The following APLP1 variants were observed in gnomAD, a reference collection of about 807,000 sequenced individuals.
APLP1 encodes the protein amyloid beta precursor like protein 1.
APLP1 carries 46 observed loss-of-function variants against 84.5 expected under a neutral mutation model. The observed-to-expected ratio is 0.54, with a 90% CI of 0.43 to 0.70. The LOEUF (loss-of-function observed/expected upper bound fraction) is 0.70. Ranked by LOEUF, APLP1 falls within the 30% of genes least tolerant of loss-of-function variation. The pLI, the probability that APLP1 is intolerant of heterozygous loss-of-function variation, is 0.00. For missense variants in APLP1, 826 were observed against 900.2 expected (o/e 0.92, Z 1.05); for synonymous variants, 376 against 364.0 (o/e 1.03, Z -0.38).
At position 35,871,919 on chromosome 19, in the gene APLP1, G is replaced by A; in HGVS notation, c.733G>A (p.Glu245Lys). The change falls in exon 6 of 17, where the codon GAG becomes AAG. Residue 245 changes from glutamate (E) to lysine (K), a missense_variant. By Grantham distance (56) the Glu-to-Lys change is moderately conservative. Transcript: ENST00000221891. Reference protein sequence around the residue: ...SRVEGAEDEEEEESFPQPVDD... With the variant: ...SRVEGAEDEEKEESFPQPVDD... ...AGTAGAGGGGGCTGAGGACGAGGAA[G>A]AGGAGGAATCCTTCCCACAGCCAGT... 1 of 1,614,142 alleles carries A rather than the reference G, an allele frequency of 6.2e-7. No homozygotes were observed. Among genetic ancestry groups the A allele is most frequent in the Non-Finnish European group, 8.5e-7 (1 of 1,180,020 alleles).
rs759583997 is a variant in APLP1 at position 35,872,496 on chromosome 19, G to A, written c.864G>A (p.Pro288=). 3.2e-5 allele frequency: 51 copies of A among 1,612,890 alleles called. No individual in the cohort carries two copies. The highest frequency in any genetic ancestry group is 1.8e-4 in the Middle Eastern group (1 of 5,668). The change falls in exon 7 of 17, where the codon CCG becomes CCA. Residue 288 remains proline, a synonymous_variant. Coordinates refer to ENST00000221891, the MANE Select transcript of APLP1 (RefSeq NM_001024807.3). ...CTGGTCTTGCAGTCACTCCCACCCC[G>A]AGGCCCACAGACGGTGTGGATATTT... ...LAVVGKVTPT[P]RPTDGVDIYF...
Position 35,879,324 on chromosome 19 carries a change from C to T in APLP1, c.1858-19C>T, listed in dbSNP as rs1019118165. The T allele has an allele frequency of 6.2e-7, 1 of 1,613,584 alleles. No homozygotes were observed. Among genetic ancestry groups the T allele is most frequent in the South Asian group, 1.1e-5 (1 of 91,048 alleles). On this transcript the variant is annotated intron_variant, in intron 16 of 16. Transcript: ENST00000221891. The stretch of plus-strand genomic sequence containing the variant: ...CGCCCCCGCACCACACTGTCCTTTC[C>T]CTCCCCTGCTCGTTGCAGGTGGACC...
Position 35,876,514 on chromosome 19 carries a change from C to T in APLP1, c.1345-3C>T. 6.2e-7 allele frequency: 1 copy of T among 1,612,828 alleles called. No individual in the cohort carries two copies. Among genetic ancestry groups the T allele is most frequent in the East Asian group, 2.2e-5 (1 of 44,880 alleles). On this transcript the variant is annotated splice_region_variant and splice_polypyrimidine_tract_variant and intron_variant, in intron 10 of 16. Transcript: ENST00000221891. The stretch of plus-strand genomic sequence containing the variant: ...TTCATCCTTCATGTCCACTCACCCA[C>T]AGGTGCATACCCACCTTCAAGTGAT...
At chr19:35,873,591 G>A (rs750398421) in intron 7 of APLP1, 48 bp from the exon 8 acceptor site, 11 of 1,594,894 alleles carry the variant, frequency 6.9e-6, no homozygotes, top group South Asian at 1.1e-5. Context: ...GACTTGCCAG[G>A]TGGATCAGGG....
chr19:35,872,616 GATA>G lies in APLP1; in HGVS notation c.981+7_981+9del. 6.2e-7 allele frequency: 1 copy of G among 1,612,168 alleles called. No homozygotes were observed. The highest frequency in any genetic ancestry group is 8.5e-7 in the Non-Finnish European group (1 of 1,178,944). ...GTAGGATGCGCCAGATTAATGAGGT[GATA>G]ATACTGGGGGCCCCAGGACCCCCTA... On this transcript the variant is annotated splice_donor_5th_base_variant and intron_variant, in intron 7 of 16. Coordinates refer to ENST00000221891, the MANE Select transcript of APLP1 (RefSeq NM_001024807.3).
chr19:35,873,998 A>G (rs923354101), intron 8 of APLP1, among the ~76,000 whole-genome samples: 3 of 152,322 alleles, frequency 2.0e-5, no homozygotes, highest in Admixed American at 2.0e-4. Context: ...CTGCAGATGC[A>G]GCCAGGGCCT....
chr19:35,872,718 C>A, intron 7 of APLP1, 105 bp downstream of exon 7: 1 of 1,341,092 alleles, frequency 7.5e-7, no homozygotes, highest in South Asian at 1.5e-5. Flanking sequence ...CTCCCTAAGC[C>A]CCTTTGACCT....
chr19:35,878,820 C>A (rs1974340470), intron 14 of APLP1, 70 bp from the exon 15 acceptor site: 1 of 1,592,572 alleles, frequency 6.3e-7, no homozygotes, highest in South Asian at 1.1e-5. Flanking sequence ...GGGGGACGCT[C>A]TCTTGGGCCC....
At chr19:35,875,111 C>T (rs1974250391) in intron 10 of APLP1, among the ~76,000 whole-genome samples, 1 of 151,160 alleles carries the variant, frequency 6.6e-6, no homozygotes, top group Non-Finnish European at 1.5e-5. Flanking sequence ...CCCCCGCCGT[C>T]GATCCTATGT....
rs760248438 is a variant in APLP1, at chr19:35,868,699, G to A, written c.63G>A (p.Pro21=). 2.1e-6 allele frequency: 3 copies of A among 1,415,046 alleles called. No individual in the cohort carries two copies. The highest frequency in any genetic ancestry group is 3.1e-5 in the East Asian group (1 of 32,640). The allele number at this position is 1,415,046 out of a possible 1,614,324, so 87.7% of individuals were successfully genotyped here. A position where few individuals can be genotyped will look rare whatever the true frequency, so the allele number is the denominator to read the frequency against. ...GCCGCCCGGGCCAGCCGCCGCTGCC[G>A]CTGCTGCTGCCACTATTGCTGCTGC... ...LSRRPGQPPL[P]LLLPLLLLLL... is the part of the protein sequence containing the mutation. The change falls in exon 1 of 17, where the codon CCG becomes CCA. Residue 21 remains proline, a synonymous_variant. Transcript: ENST00000221891. The surrounding 1 kb of genome is among the most constrained non-coding windows in gnomAD (Gnocchi z 5.2).
At chr19:35,871,050 G>A (rs750305071) in intron 3 of APLP1, 22 bp downstream of exon 3, 177 of 1,506,188 alleles carry the variant, frequency 1.2e-4, no homozygotes, top group Non-Finnish European at 1.5e-4. Flanking sequence ...GCGGGGAGAG[G>A]GGAACTGAGG....
intron 3 of APLP1, 31 bp downstream of exon 3, chr19:35,871,059 G>A (rs1457247243): frequency 4.0e-6 from 6 of 1,503,352 alleles, no homozygotes; most frequent in Non-Finnish European, 5.3e-6. Context: ...GGGGAACTGA[G>A]GTGGGAGTTT....
Position 35,871,735 on chromosome 19 carries a change from A to G in APLP1, c.661A>G (p.Thr221Ala). Residue 221 changes from threonine to alanine, a missense_variant, in exon 5 of 17, where the codon ACA becomes GCA. Thr to Ala is a moderately conservative substitution (Grantham distance 58). Around this residue, in one of 3 missense-constraint regions of APLP1, gnomAD observed 383 missense variants for 378.3 expected, o/e 1.01. Transcript: ENST00000221891. ...PPPGTPDPSG[T>A]AVGDPSTRSW... ...TCCAGGGACCCCCGACCCATCTGGG[A>G]CAGCAGTTGGGTGAGTGGGAGGGAA... 1 of 1,613,984 alleles carries G rather than the reference A, an allele frequency of 6.2e-7. No homozygotes were observed. The highest frequency in any genetic ancestry group is 8.5e-7 in the Non-Finnish European group (1 of 1,179,988).
At position 35,871,968 on chromosome 19, in the gene APLP1, C is replaced by T. The variant is rs777735772; in HGVS notation, c.782C>T (p.Pro261Leu). The stretch of plus-strand genomic sequence containing the variant: ...GTAGATGATTACTTCGTGGAGCCTC[C>T]GCAGGCTGAAGAGGAAGAGGAAACG... ...QPVDDYFVEP[P>L]QAEEEEETVP... Residue 261 changes from proline (P) to leucine (L), a missense_variant, in exon 6 of 17, where the codon CCG becomes CTG. By Grantham distance (98) the Pro-to-Leu change is moderately conservative (BLOSUM62 -3). This residue lies in a region of APLP1 where 383 missense variants were observed against 378.3 expected (regional missense o/e 1.01). Transcript: ENST00000221891. 9.3e-6 allele frequency: 15 copies of T among 1,613,996 alleles called. No individual in the cohort carries two copies. In the Admixed American group the frequency reaches 1.5e-4, roughly 16 times the overall value.
chr19:35,870,650 G>T, intron 2 of APLP1: 1 of 462,586 alleles, frequency 2.2e-6, no homozygotes, highest in African/African-American at 2.1e-5. Context: ...CTGGCATGGT[G>T]GTGCGTGCCT....
chr19:35,873,307 C>T (rs1188784616), intron 7 of APLP1, among the ~76,000 whole-genome samples: 3 of 148,584 alleles, frequency 2.0e-5, no homozygotes, highest in African/African-American at 5.0e-5. Flanking sequence ...AGTGCAGTGA[C>T]GTGATCTCCC....
At chr19:35,875,467 A>G (rs1040493247) in intron 10 of APLP1, among the ~76,000 whole-genome samples, 1 of 152,062 alleles carries the variant, frequency 6.6e-6, no homozygotes, top group African/African-American at 2.4e-5. Context: ...CTGGGACTAC[A>G]GGCGGGTGTC....
At chr19:35,869,553 G>A (rs1367935828) in intron 1 of APLP1, 114 bp from the exon 2 acceptor site, 4 of 1,402,704 alleles carry the variant, frequency 2.9e-6, no homozygotes, top group African/African-American at 1.4e-5. Flanking sequence ...GGCGGTGTGC[G>A]GTGCTTGGGG....
chr19:35,871,077 G>T, intron 3 of APLP1, 49 bp downstream of exon 3: 1 of 1,498,964 alleles, frequency 6.7e-7, no homozygotes, highest in Non-Finnish European at 8.9e-7. Context: ...TTTCTGAGGG[G>T]CAAGGTTCTG....
Sources: gnomAD v4.1 joint callset for allele counts (sites outside exome capture counted in the v4.1 genomes callset) on GRCh38, gnomAD v4.1.1 for gene constraint, gnomAD v4.1.1 regional missense constraint, Gnocchi (gnomAD v3.1) non-coding constraint, MANE v1.5 for transcripts, NCBI Gene and HGNC (gene_info 2026-07-23, HGNC 2026-07-21) for gene names.